Variants in FAM185A observed in about 807,000 individuals in gnomAD.
The protein encoded by FAM185A is family with sequence similarity 185 member A.
Under a neutral mutation model 45.7 loss-of-function variants are expected in FAM185A, and 21 were observed. The ratio of observed to expected loss-of-function variants is 0.46; its 90% CI spans 0.33 to 0.66. The LOEUF (loss-of-function observed/expected upper bound fraction) is 0.66. FAM185A is among the 30% of genes least tolerant of loss of function. The pLI, the probability that FAM185A is intolerant of heterozygous loss-of-function variation, is 0.03. For missense variants in FAM185A, 305 were observed against 485.4 expected, an observed-to-expected ratio of 0.63 and a Z score of 3.49; for synonymous variants, 117 against 194.0, an observed-to-expected ratio of 0.60 and a Z score of 3.30.
chr7:102,767,063 T>C (rs962899826), intron 4 of FAM185A, among the ~76,000 whole-genome samples: 2 of 152,000 alleles, frequency 1.3e-5, no homozygotes, highest in African/African-American at 4.8e-5. Flanking sequence ...CCCAAAGTGC[T>C]GGAATTACAG....
At chr7:102,830,081 T>G in the FAM185A span, among the ~76,000 whole-genome samples, 1 of 152,144 alleles carries the variant, frequency 6.6e-6, no homozygotes, top group African/African-American at 2.4e-5. Flanking sequence ...TCTAAACCTT[T>G]GATACAGAGT....
the FAM185A span, among the ~76,000 whole-genome samples, chr7:102,816,922 T>C: frequency 1.3e-5 from 2 of 152,372 alleles, no homozygotes; most frequent in African/African-American, 4.8e-5. Context: ...TCCATGTTGC[T>C]GCAAAGGACA....
At chr7:102,786,338 C>T (rs1221844617) in intron 6 of FAM185A, among the ~76,000 whole-genome samples, 2 of 152,208 alleles carry the variant, frequency 1.3e-5, no homozygotes, top group Admixed American at 6.5e-5. Context: ...TGGGTATATA[C>T]CCAAAGGATT....
the FAM185A span, among the ~76,000 whole-genome samples, chr7:102,844,856 T>C: frequency 1.3e-5 from 2 of 152,202 alleles, no homozygotes; most frequent in East Asian, 3.8e-4. Context: ...ACTACCTCCT[T>C]GGGCTTGATA....
chr7:102,847,579 T>C, the FAM185A span, among the ~76,000 whole-genome samples: 1 of 152,058 alleles, frequency 6.6e-6, no homozygotes, highest in Non-Finnish European at 1.5e-5. Context: ...CAGGCTGGAG[T>C]GCAGTGGTGT....
At chr7:102,754,204 A>T (rs866057152) in intron 2 of FAM185A, among the ~76,000 whole-genome samples, 9 of 147,286 alleles carry the variant, frequency 6.1e-5, no homozygotes, top group South Asian at 4.3e-4. Flanking sequence ...AATAAAAAAA[A>T]TTTTTTTTTT....
intron 7 of FAM185A, among the ~76,000 whole-genome samples, chr7:102,788,121 T>C (rs1457763853): frequency 6.6e-6 from 1 of 152,072 alleles, no homozygotes; most frequent in Non-Finnish European, 1.5e-5. Context: ...TGCACCACCA[T>C]GCCCGGCTAA....
chr7:102,832,610 C>T, the FAM185A span, among the ~76,000 whole-genome samples: 24 of 152,172 alleles, frequency 1.6e-4, no homozygotes, highest in Non-Finnish European at 3.5e-4. Context: ...AAATCTTTGA[C>T]ACATGTTTAT....
the FAM185A span, among the ~76,000 whole-genome samples, chr7:102,834,125 AGAAAGAAAG>A: frequency 1.8e-5 from 2 of 111,564 alleles, no homozygotes; most frequent in African/African-American, 9.0e-5. Context: ...AAAGAAAGAA[AGAAAGAAAG>A]AAAGAAAAGA....
the FAM185A span, among the ~76,000 whole-genome samples, chr7:102,830,410 A>G: frequency 9.2e-5 from 14 of 152,194 alleles, no homozygotes; most frequent in Non-Finnish European, 1.6e-4. Flanking sequence ...GAACGCAAGA[A>G]TCTCTGTGAA....
intron 7 of FAM185A, among the ~76,000 whole-genome samples, chr7:102,795,976 G>A (rs1796419053): frequency 6.6e-6 from 1 of 152,174 alleles, no homozygotes; most frequent in South Asian, 2.1e-4. Context: ...TGCCTAGAAA[G>A]AGCCAACTTA....
intron 7 of FAM185A, among the ~76,000 whole-genome samples, chr7:102,804,765 A>G (rs951167557): frequency 6.6e-6 from 1 of 152,222 alleles, no homozygotes; most frequent in East Asian, 1.9e-4. Flanking sequence ...AGTGGGAGAA[A>G]ATCTTCACAA....
the FAM185A span, among the ~76,000 whole-genome samples, chr7:102,834,869 C>G: frequency 7.1e-6 from 1 of 140,250 alleles, no homozygotes; most frequent in Admixed American, 7.3e-5. Context: ...TTGATTTAAC[C>G]ATTCCACAAT....
intron 4 of FAM185A, among the ~76,000 whole-genome samples, chr7:102,770,420 AG>A (rs1432475483): frequency 6.8e-6 from 1 of 146,132 alleles, no homozygotes; most frequent in Non-Finnish European, 1.5e-5. Context: ...ACAGAATGGG[AG>A]AAAATATTTG....
chr7:102,824,634 C>T, the FAM185A span, among the ~76,000 whole-genome samples: 4 of 151,952 alleles, frequency 2.6e-5, no homozygotes, highest in East Asian at 1.9e-4. Flanking sequence ...TACAGGTGCC[C>T]GCCACCACGC....
At position 102,758,708 on chromosome 7, in the gene FAM185A, T is replaced by C. The variant is rs543988839; in HGVS notation, c.654+762T>C. The stretch of plus-strand genomic sequence containing the variant: ...ATTTGCTAAATTCCATAGTCAGCTT[T>C]ATTTTCAGATAATTGGTGGGGAGGA... On this transcript the variant is annotated intron_variant, in intron 3 of 7. Transcript: ENST00000413034. 1.7e-4 allele frequency among the ~76,000 whole-genome samples: 26 copies of C among 152,100 alleles called. No individual in the cohort carries two copies. In the East Asian group the frequency reaches 4.8e-3, roughly 28 times the overall value.
chr7:102,795,542 A>C (rs1269529559), intron 7 of FAM185A, among the ~76,000 whole-genome samples: 1 of 152,208 alleles, frequency 6.6e-6, no homozygotes, highest in Non-Finnish European at 1.5e-5. Flanking sequence ...TCCAGGCTCC[A>C]GTACGGGAAA....
chr7:102,797,792 C>T (rs1796522947), intron 7 of FAM185A, among the ~76,000 whole-genome samples: 1 of 152,158 alleles, frequency 6.6e-6, no homozygotes, highest in Non-Finnish European at 1.5e-5. Flanking sequence ...GTTTAATCTG[C>T]TATTATTAAT....
chr7:102,783,198 A>G (rs1310191363), intron 6 of FAM185A, among the ~76,000 whole-genome samples: 2 of 151,514 alleles, frequency 1.3e-5, no homozygotes, highest in African/African-American at 4.9e-5. Context: ...CACAATAATA[A>G]TGGGAGACTT....
Sources: gnomAD v4.1 joint callset for allele counts (sites outside exome capture counted in the v4.1 genomes callset) on GRCh38, gnomAD v4.1.1 for gene constraint, MANE v1.5 for transcripts, NCBI Gene and HGNC (gene_info 2026-07-23, HGNC 2026-07-21) for gene names.